Variants in NBEA observed in about 807,000 individuals in gnomAD.
NBEA encodes the protein neurobeachin.
NBEA carries 44 observed loss-of-function variants against 343.4 expected under a neutral mutation model. The ratio of observed to expected loss-of-function variants is 0.13; its 90% CI spans 0.10 to 0.16. The LOEUF (loss-of-function observed/expected upper bound fraction) is 0.16, where lower values mean the gene tolerates loss of function less well. NBEA is among the 10% of genes least tolerant of loss of function. The probability of loss-of-function intolerance (pLI) is 1.00; values close to 1 mark genes in which losing one functional copy is unlikely to be tolerated. For synonymous variants in NBEA, 1,175 were observed against 1,238.7 expected, an observed-to-expected ratio of 0.95 and a Z score of 1.08; for missense variants, 2,555 against 3,631.3, an observed-to-expected ratio of 0.70 and a Z score of 7.62.
intron 1 of NBEA, among the ~76,000 whole-genome samples, chr13:34,951,268 TATGAA>T (rs2059341768): frequency 6.6e-6 from 1 of 152,224 alleles, no homozygotes; most frequent in African/African-American, 2.4e-5. Context: ...ACATCCATGT[TATGAA>T]ATAACATACA....
At chr13:35,318,497 G>A (rs942641512) in intron 36 of NBEA, among the ~76,000 whole-genome samples, 5 of 152,094 alleles carry the variant, frequency 3.3e-5, no homozygotes, top group African/African-American at 9.7e-5. Context: ...GTTGGATTCC[G>A]TTTGCCAGTA....
chr13:35,165,090 C>G (rs966678927), intron 24 of NBEA: 7 of 533,878 alleles, frequency 1.3e-5, no homozygotes, highest in Non-Finnish European at 2.7e-5. Flanking sequence ...CCCATATTAC[C>G]CACGTTCTTG....
At chr13:35,471,536 G>A (rs149003813) in intron 40 of NBEA, among the ~76,000 whole-genome samples, 2 of 152,242 alleles carry the variant, frequency 1.3e-5, no homozygotes, top group African/African-American at 4.8e-5. Context: ...GCTCCCTTTG[G>A]GGAGACTTTA....
At position 35,221,163 on chromosome 13, in the gene NBEA, G is replaced by A. The variant is rs564541508; in HGVS notation, c.5648+9984G>A. 3.2e-4 allele frequency among the ~76,000 whole-genome samples: 48 copies of A among 152,146 alleles called. No individual in the cohort carries two copies. The South Asian group carries it at 8.7e-3, about 28-fold the overall frequency. On this transcript the variant is annotated intron_variant, in intron 33 of 58. Transcript: ENST00000379939. The stretch of plus-strand genomic sequence containing the variant: ...GTTCGAGACCAGCCTGACCTTCATA[G>A]TGAAACCCCATCTCTGCTAAAAATA...
At chr13:35,441,200 C>G (rs2045719885) in intron 39 of NBEA, among the ~76,000 whole-genome samples, 1 of 152,058 alleles carries the variant, frequency 6.6e-6, no homozygotes, top group Non-Finnish European at 1.5e-5. Flanking sequence ...GTGAATTGTC[C>G]ACATTGGACT....
chr13:35,584,028 T>G lies in NBEA; in HGVS notation c.7166T>G (p.Leu2389Arg). The change falls in exon 46 of 59, where the codon CTT (leucine) becomes CGT (arginine). Residue 2389 changes from leucine (L) to arginine (R), a missense_variant. By Grantham distance (102) the Leu-to-Arg change is moderately radical (BLOSUM62 -2). Transcript: ENST00000379939. ...ACAGCAACATCTACTTTATCCTGGC[T>G]TGTTCGAATTGTGAGTATCTTCATT... Reference protein sequence around the residue: ...YSTATSTLSWLVRIEPFTTFF... With the variant: ...YSTATSTLSWRVRIEPFTTFF... 1 of 1,613,424 alleles carries G rather than the reference T, an allele frequency of 6.2e-7. No individual in the cohort carries two copies. The highest frequency in any genetic ancestry group is 8.5e-7 in the Non-Finnish European group (1 of 1,179,722).
rs111949432 is a variant in NBEA at position 34,998,549 on chromosome 13, A to G, written c.295-42384A>G. Among the ~76,000 whole-genome samples the G allele has an allele frequency of 8.9e-3, 1,354 of 152,264 alleles. 19 individuals are homozygous for G. Among genetic ancestry groups the G allele is most frequent in the African/African-American group, 0.031 (1,278 of 41,558 alleles). ...GCGGCCATTTTAGAGGCCTCCCCTCAGGGACGCATTCTCTTTCTCAGGGAT... is the reference window on the plus strand; with the variant it reads ...GCGGCCATTTTAGAGGCCTCCCCTCGGGGACGCATTCTCTTTCTCAGGGAT... On this transcript the variant is annotated intron_variant, in intron 1 of 58. Transcript: ENST00000379939.
intron 36 of NBEA, among the ~76,000 whole-genome samples, chr13:35,327,542 C>T (rs2038650259): frequency 6.6e-6 from 1 of 151,900 alleles, no homozygotes; most frequent in Non-Finnish European, 1.5e-5. Context: ...AACAAAGTAC[C>T]ACATGTTCTT....
At chr13:35,607,896 C>T (rs1325872587) in intron 48 of NBEA, among the ~76,000 whole-genome samples, 1 of 152,138 alleles carries the variant, frequency 6.6e-6, no homozygotes, top group African/African-American at 2.4e-5. Flanking sequence ...TCCCCATTCT[C>T]CCCAGCTAGC....
At chr13:35,244,013 A>C (rs963670986) in intron 34 of NBEA, among the ~76,000 whole-genome samples, 10 of 151,946 alleles carry the variant, frequency 6.6e-5, no homozygotes, top group African/African-American at 2.4e-4. Context: ...ACAAGTCTTA[A>C]TACATTAAGA....
intron 10 of NBEA, among the ~76,000 whole-genome samples, chr13:35,096,780 C>T (rs566702405): frequency 4.0e-5 from 6 of 151,894 alleles, no homozygotes; most frequent in Admixed American, 2.6e-4. Flanking sequence ...AGCAATTATT[C>T]GTGAAGTGGC....
chr13:35,182,343 C>A lies in NBEA; in HGVS notation c.4663-17C>A. On this transcript the variant is annotated splice_polypyrimidine_tract_variant and intron_variant, in intron 28 of 58. Coordinates refer to ENST00000379939, the MANE Select transcript of NBEA (RefSeq NM_001385012.1). ...CAAAAAGTTTGAGTGTTAAAACTGTCTTTTCATTTTTCATAGGATGATAGC... is the reference window on the plus strand; with the variant it reads ...CAAAAAGTTTGAGTGTTAAAACTGTATTTTCATTTTTCATAGGATGATAGC... 6.3e-7 allele frequency: 1 copy of A among 1,586,200 alleles called. No homozygotes were observed. The highest frequency in any genetic ancestry group is 1.2e-5 in the South Asian group (1 of 85,414).
intron 4 of NBEA, among the ~76,000 whole-genome samples, chr13:35,047,000 A>G (rs1430267559): frequency 6.6e-6 from 1 of 152,092 alleles, no homozygotes; most frequent in Non-Finnish European, 1.5e-5. Context: ...TTATTATCGT[A>G]AGAGTTCATT....
At chr13:35,009,058 T>G (rs2061403807) in intron 1 of NBEA, among the ~76,000 whole-genome samples, 1 of 152,230 alleles carries the variant, frequency 6.6e-6, no homozygotes, top group Non-Finnish European at 1.5e-5. Context: ...AGCTCTCTGA[T>G]GTCTTCAAGT....
intron 6 of NBEA, 78 bp from the exon 7 acceptor site, chr13:35,055,932 T>G (rs778181901): frequency 8.3e-6 from 10 of 1,198,662 alleles, no homozygotes; most frequent in South Asian, 8.1e-5. Flanking sequence ...CTTGTAGGGT[T>G]TTATGAATGT....
At position 35,224,375 on chromosome 13, in the gene NBEA, A is replaced by G. The variant is rs143888649; in HGVS notation, c.5649-8117A>G. Among the ~76,000 whole-genome samples, 16 of 152,260 alleles carry G rather than the reference A, an allele frequency of 1.1e-4. 1 individual carries two copies. The East Asian group carries it at 2.1e-3, about 20-fold the overall frequency. On this transcript the variant is annotated intron_variant, in intron 33 of 58. Transcript: ENST00000379939. ...CACTTCTCTTTCTGTGACTCCAATC[A>G]CATTTATATAAAATTATTTGATACT...
intron 28 of NBEA, among the ~76,000 whole-genome samples, chr13:35,180,945 C>G (rs772505567): frequency 6.6e-6 from 1 of 151,738 alleles, no homozygotes; most frequent in African/African-American, 2.4e-5. Flanking sequence ...GAGTTACTTA[C>G]TTCACTTAGA....
chr13:35,475,969 T>A, intron 41 of NBEA: 1 of 1,614,144 alleles, frequency 6.2e-7, no homozygotes, highest in East Asian at 2.2e-5. Context: ...GTCCATCTCG[T>A]TGAGAGAGCT....
intron 27 of NBEA, among the ~76,000 whole-genome samples, chr13:35,175,655 G>A (rs1004110179): frequency 5.9e-5 from 9 of 152,114 alleles, no homozygotes; most frequent in African/African-American, 9.7e-5. Context: ...GGTAAGTAGC[G>A]ATGAATGTAA....
Sources: gnomAD v4.1 joint callset for allele counts (sites outside exome capture counted in the v4.1 genomes callset) on GRCh38, gnomAD v4.1.1 for gene constraint, MANE v1.5 for transcripts, NCBI Gene and HGNC (gene_info 2026-07-23, HGNC 2026-07-21) for gene names.